The following PTPRN2 variants were observed in gnomAD, a reference collection of about 807,000 sequenced individuals.
PTPRN2 encodes protein tyrosine phosphatase receptor type N2, also known as receptor-type tyrosine-protein phosphatase N2.
A neutral mutation model predicts 118.8 loss-of-function variants in PTPRN2; 74 were observed. That is an observed-to-expected ratio of 0.62 (90% CI 0.52 to 0.76). PTPRN2 has a LOEUF of 0.76. Ranked by LOEUF, PTPRN2 falls within the 30% of genes least tolerant of loss-of-function variation. PTPRN2 has a pLI of 0.00. For missense variants in PTPRN2, 1,481 were observed against 1,394.4 expected, an observed-to-expected ratio of 1.06 and a Z score of -0.99; for synonymous variants, 641 against 608.0, an observed-to-expected ratio of 1.05 and a Z score of -0.80.
At chr7:158,284,799 T>C (rs1021759853) in intron 3 of PTPRN2, among the ~76,000 whole-genome samples, 1 of 152,210 alleles carries the variant, frequency 6.6e-6, no homozygotes, top group Non-Finnish European at 1.5e-5. Context: ...TCACCAATAA[T>C]TTTGGAACTT....
chr7:158,550,017 G>A (rs1175731265), intron 1 of PTPRN2, among the ~76,000 whole-genome samples: 2 of 152,234 alleles, frequency 1.3e-5, no homozygotes, highest in African/African-American at 4.8e-5. Context: ...GGAACTCGGG[G>A]CTGGGAGAGG....
chr7:158,184,094 T>C (rs1435700253), intron 5 of PTPRN2, among the ~76,000 whole-genome samples: 1 of 152,058 alleles, frequency 6.6e-6, no homozygotes, highest in Non-Finnish European at 1.5e-5. Flanking sequence ...TTTGTGTGTC[T>C]TTCGAAGAAG....
chr7:158,249,676 G>A (rs1304108455), intron 3 of PTPRN2, among the ~76,000 whole-genome samples: 2 of 152,174 alleles, frequency 1.3e-5, no homozygotes, highest in Non-Finnish European at 2.9e-5. Flanking sequence ...GTGGAAGAGG[G>A]GTTTCCTATG....
rs184870597 is a variant in PTPRN2, at chr7:158,012,482, G to C, written c.1723+68816C>G. On this transcript the variant is annotated intron_variant, in intron 11 of 22. Coordinates refer to ENST00000389418, the MANE Select transcript of PTPRN2 (RefSeq NM_002847.5). Reference sequence around the variant, plus strand: ...TTCCAAAATTCACAAAGCGTAGAAAGAAGATTGTTAAAAAGTATGTCCAGT... The same window carrying C: ...TTCCAAAATTCACAAAGCGTAGAAACAAGATTGTTAAAAAGTATGTCCAGT... Among the ~76,000 whole-genome samples the C allele has an allele frequency of 6.0e-3, 915 of 152,266 alleles. 8 individuals carry two copies. The highest frequency in any genetic ancestry group is 0.021 in the African/African-American group (861 of 41,560).
chr7:157,648,478 T>C (rs1414239423), intron 14 of PTPRN2, among the ~76,000 whole-genome samples: 31 of 137,462 alleles, frequency 2.3e-4, no homozygotes, highest in Admixed American at 1.9e-3. Flanking sequence ...CCATCCAGCG[T>C]GCACTGAACT....
In PTPRN2 at chr7:158,138,173, T is replaced by C. The variant is rs567107624; in HGVS notation, c.1132+121A>G. On this transcript the variant is annotated intron_variant, in intron 7 of 22. Transcript: ENST00000389418. ...AACAGATAAAAATCATTAATACAGA[T>C]CCCCATCTCCCCAGCAGAAAGCCCA... The C allele has an allele frequency of 3.6e-6, 3 of 824,986 alleles. No homozygotes were observed. In the African/African-American group the frequency reaches 5.2e-5, roughly 14 times the overall value. The allele number at this position is 824,986 out of a possible 1,614,324, so 51.1% of individuals were successfully genotyped here. A position where few individuals can be genotyped will look rare whatever the true frequency, so the allele number is the denominator to read the frequency against.
intron 3 of PTPRN2, among the ~76,000 whole-genome samples, chr7:158,241,371 G>A (rs746326138): frequency 1.1e-4 from 16 of 152,054 alleles, no homozygotes; most frequent in South Asian, 6.3e-4. Context: ...AAAATTAGCC[G>A]GGCATGATGG....
chr7:157,642,509 G>A (rs1184657864), intron 14 of PTPRN2, among the ~76,000 whole-genome samples: 2 of 152,098 alleles, frequency 1.3e-5, no homozygotes, highest in Non-Finnish European at 1.5e-5. Context: ...CTCTGGTCTC[G>A]CCTCCTCGCC....
chr7:157,999,873 CTT>C (rs975846065), intron 11 of PTPRN2, among the ~76,000 whole-genome samples: 1 of 148,324 alleles, frequency 6.7e-6, no homozygotes, highest in South Asian at 2.1e-4. Context: ...TTTATTTTTA[CTT>C]TTTTTTTTTA....
intron 3 of PTPRN2, among the ~76,000 whole-genome samples, chr7:158,260,488 C>T (rs6976603): frequency 0.48 from 72,920 of 151,994 alleles, 18,470 homozygotes; most frequent in African/African-American, 0.65. Flanking sequence ...GATACGACTT[C>T]TTCAGAAGGC....
intron 12 of PTPRN2, among the ~76,000 whole-genome samples, chr7:157,889,101 A>T (rs1796648960): frequency 6.6e-6 from 1 of 152,196 alleles, no homozygotes; most frequent in African/African-American, 2.4e-5. Flanking sequence ...GAAAAAACTC[A>T]CTTGCAATTC....
chr7:157,646,721 G>A (rs1307681109), intron 14 of PTPRN2, among the ~76,000 whole-genome samples: 1 of 152,202 alleles, frequency 6.6e-6, no homozygotes, highest in Non-Finnish European at 1.5e-5. Context: ...TGGCTTGGGT[G>A]GCTGCATGGA....
At chr7:158,149,569 G>C (rs1033898661) in intron 6 of PTPRN2, among the ~76,000 whole-genome samples, 2 of 152,088 alleles carry the variant, frequency 1.3e-5, no homozygotes, top group Non-Finnish European at 2.9e-5. Flanking sequence ...TTTGGGGTCC[G>C]AGGTGGGTGG....
chr7:157,674,621 T>C lies in PTPRN2; in HGVS notation c.2001+8104A>G, dbSNP rs1253169864. On this transcript the variant is annotated intron_variant, in intron 13 of 22. Coordinates refer to ENST00000389418, the MANE Select transcript of PTPRN2 (RefSeq NM_002847.5). The surrounding 1 kb of genome is among the most constrained non-coding windows in gnomAD (Gnocchi z 4.5). ...ATGCATTTCACCACAGATAATGCCA[T>C]TCACCACAGAGGCGCATTCTCTCTC... Among the ~76,000 whole-genome samples the C allele has an allele frequency of 1.3e-5, 2 of 152,222 alleles. No homozygotes were observed. The highest frequency in any genetic ancestry group is 4.8e-5 in the African/African-American group (2 of 41,448).
intron 11 of PTPRN2, among the ~76,000 whole-genome samples, chr7:158,062,770 C>T (rs1264979104): frequency 1.3e-5 from 2 of 152,222 alleles, no homozygotes; most frequent in East Asian, 1.9e-4. Flanking sequence ...CCCACCAGCA[C>T]TGCGCTCAAA....
At chr7:158,122,613 A>G (rs961021665) in intron 9 of PTPRN2, among the ~76,000 whole-genome samples, 4 of 152,230 alleles carry the variant, frequency 2.6e-5, no homozygotes, top group African/African-American at 9.6e-5. Context: ...CGCCACACTG[A>G]GGCCCCACAC....
At chr7:158,527,620 G>A (rs538396418) in intron 1 of PTPRN2, among the ~76,000 whole-genome samples, 17 of 152,324 alleles carry the variant, frequency 1.1e-4, no homozygotes, top group Non-Finnish European at 1.5e-4. Context: ...AACACCTGGC[G>A]GCCCACTGCT....
intron 2 of PTPRN2, among the ~76,000 whole-genome samples, chr7:158,346,250 T>C (rs1051161673): frequency 3.3e-5 from 5 of 152,198 alleles, no homozygotes; most frequent in African/African-American, 1.2e-4. Flanking sequence ...ACTCAAAAAA[T>C]TGCCCCTGAG....
intron 17 of PTPRN2, among the ~76,000 whole-genome samples, chr7:157,589,295 G>A (rs1397168227): frequency 6.6e-6 from 1 of 152,222 alleles, no homozygotes; most frequent in East Asian, 1.9e-4. Context: ...GCCTGGCATT[G>A]AAGAGCTCAG....
Sources: gnomAD v4.1 joint callset for allele counts (sites outside exome capture counted in the v4.1 genomes callset) on GRCh38, gnomAD v4.1.1 for gene constraint, Gnocchi (gnomAD v3.1) non-coding constraint, MANE v1.5 for transcripts, NCBI Gene and HGNC (gene_info 2026-07-23, HGNC 2026-07-21) for gene names.